EIF4G2: variants seen among roughly 807,000 people sequenced by gnomAD.
The protein encoded by EIF4G2 is eukaryotic translation initiation factor 4 gamma 2.
A neutral mutation model predicts 117.7 loss-of-function variants in EIF4G2; 8 were observed. The observed-to-expected ratio is 0.07, with a 90% CI of 0.04 to 0.12. EIF4G2 has a LOEUF of 0.12. EIF4G2 is among the 10% of genes least tolerant of loss of function. The pLI is 1.00. For synonymous variants in EIF4G2, 413 were observed against 367.8 expected (o/e 1.12, Z -1.41); for missense variants, 812 against 1,086.2 (o/e 0.75, Z 3.55).
At chr11:10,808,061 C>CG in intron 1 of EIF4G2, 1 of 1,046,850 alleles carries the variant, frequency 9.6e-7, no homozygotes, top group South Asian at 2.6e-5. Context: ...AGGCCACCCC[C>CG]GCCAGCCCGG....
chr11:10,800,035 A>G (rs1564980948), intron 18 of EIF4G2, 55 bp downstream of exon 18: 2 of 1,568,534 alleles, frequency 1.3e-6, no homozygotes, highest in Non-Finnish European at 1.7e-6. Flanking sequence ...AAGGTACCTG[A>G]AATCTCTAGA....
chr11:10,801,520 G>A (rs1316641796), intron 14 of EIF4G2, 141 bp downstream of exon 14: 10 of 860,004 alleles, frequency 1.2e-5, no homozygotes, highest in East Asian at 7.3e-5. Context: ...TTCAAAGAAA[G>A]AAAAAGAAGT....
intron 1 of EIF4G2, 97 bp downstream of exon 1, chr11:10,808,608 G>A (rs977822593): frequency 3.1e-6 from 2 of 650,862 alleles, no homozygotes; most frequent in South Asian, 2.3e-5. Flanking sequence ...ACCCGGCTCC[G>A]CCTGCGGCCG....
In EIF4G2 at chr11:10,805,052, A is replaced by C. The variant is rs768287094; in HGVS notation, c.249-37T>G. 3.4e-6 allele frequency: 5 copies of C among 1,491,588 alleles called. No homozygotes were observed. The South Asian group carries it at 4.5e-5, about 14-fold the overall frequency. The allele number at this position is 1,491,588 out of a possible 1,614,324, so 92.4% of individuals were successfully genotyped here. On this transcript the variant is annotated intron_variant, in intron 4 of 21. Transcript: ENST00000339995. ...GGAATTACATTTTAAGTGTTAGCTA[A>C]TACACAGAATTTGAATTGAAAAACT...
chr11:10,804,670 G>A (rs960460134), intron 5 of EIF4G2: 2 of 600,114 alleles, frequency 3.3e-6, no homozygotes, highest in South Asian at 5.1e-5. Context: ...AAAAGAAAAA[G>A]AACAGCTTGC....
In EIF4G2 at chr11:10,804,750, A is replaced by G. The variant is rs967939592; in HGVS notation, c.351+163T>C. 7 of 641,596 alleles carry G rather than the reference A, an allele frequency of 1.1e-5. No individual in the cohort carries two copies. In the Admixed American group the frequency reaches 1.2e-4, roughly 11 times the overall value. 39.7% of individuals were successfully genotyped at this position (641,596 alleles called of 1,614,324 possible). On this transcript the variant is annotated intron_variant, in intron 5 of 21. Coordinates refer to ENST00000339995, the MANE Select transcript of EIF4G2 (RefSeq NM_001418.4). ...TTTACCTCTTCAATCTAATGCTACTAAAGTCAGTGGTTCTTTTTAATCACC... is the reference window on the plus strand; with the variant it reads ...TTTACCTCTTCAATCTAATGCTACTGAAGTCAGTGGTTCTTTTTAATCACC...
rs1847405839 is a variant in EIF4G2, at chr11:10,801,173, G to A, written c.1414-86C>T. On this transcript the variant is annotated intron_variant, in intron 14 of 21. Coordinates refer to ENST00000339995, the MANE Select transcript of EIF4G2 (RefSeq NM_001418.4). ...ACAACATTCTAAAATCCTATACAGTGACAGAATCTAGGGAAACATTAAGCT... is the reference window on the plus strand; with the variant it reads ...ACAACATTCTAAAATCCTATACAGTAACAGAATCTAGGGAAACATTAAGCT... 15 of 1,535,778 alleles carry A rather than the reference G, an allele frequency of 9.8e-6. No individual in the cohort carries two copies. In the South Asian group the frequency reaches 1.6e-4, roughly 17 times the overall value.
intron 12 of EIF4G2, 26 bp downstream of exon 12, chr11:10,802,268 C>T (rs7105210): frequency 1 from 1,612,070 of 1,612,402 alleles, 805,870 homozygotes; most frequent in East Asian, 1. Flanking sequence ...TTCAGCTTAA[C>T]GCAACCATTG....
At position 10,797,914 on chromosome 11, in the gene EIF4G2, CAT is replaced by C; in HGVS notation, c.2659-35_2659-34del. ...TTAAGATTTGTAAATTAAAATAGTTCATGATATAAACAGAAATCCATCCAAAA... is the reference window on the plus strand; with the variant it reads ...TTAAGATTTGTAAATTAAAATAGTTCGATATAAACAGAAATCCATCCAAAA... On this transcript the variant is annotated intron_variant, in intron 21 of 21. Transcript: ENST00000339995. The surrounding 1 kb of genome is among the most constrained non-coding windows in gnomAD (Gnocchi z 4.5). 1 of 1,603,066 alleles carries C rather than the reference CAT, an allele frequency of 6.2e-7. No homozygotes were observed. Among genetic ancestry groups the C allele is most frequent in the Non-Finnish European group, 8.5e-7 (1 of 1,172,232 alleles).
At position 10,797,144 on chromosome 11, in the gene EIF4G2, C is replaced by T. The variant is rs1388281909; in HGVS notation, c.*672G>A. 6.6e-6 allele frequency: 1 copy of T among 152,546 alleles called. No individual in the cohort carries two copies. The highest frequency in any genetic ancestry group is 1.5e-5 in the Non-Finnish European group (1 of 68,026). The allele number at this position is 152,546 out of a possible 1,614,324, so 9.4% of individuals were successfully genotyped here. On this transcript the variant is annotated 3_prime_UTR_variant, in exon 22 of 22. Coordinates refer to ENST00000339995, the MANE Select transcript of EIF4G2 (RefSeq NM_001418.4). This position sits in a 1 kb window ranked among gnomAD's most constrained non-coding sequence, Gnocchi z 4.5. ...AAATTAAGTAGACTTAATTTCAATA[C>T]TATAATAGGAGGGACCAATTCAAAT...
At position 10,806,021 on chromosome 11, in the gene EIF4G2, T is replaced by G; in HGVS notation, c.134A>C (p.Gln45Pro). 2 of 1,614,286 alleles carry G rather than the reference T, an allele frequency of 1.2e-6. No individual in the cohort carries two copies. The highest frequency in any genetic ancestry group is 1.7e-6 in the Non-Finnish European group (2 of 1,180,050). The stretch of plus-strand genomic sequence containing the variant: ...TGCAGGAATCCATTTCTGAGCGTTT[T>G]GCCCTGGGGTTTTCCCCAGGAACTC... The change falls in exon 4 of 22, where the codon CAA becomes CCA. Residue 45 changes from glutamine to proline, a missense_variant. By Grantham distance (76) the Gln-to-Pro change is moderately conservative (BLOSUM62 -1). This residue lies in a region of EIF4G2 where 79 missense variants were observed against 91.5 expected (regional missense o/e 0.86). Transcript: ENST00000339995.
rs1847489672 is a variant in EIF4G2, at chr11:10,803,782, T to G, written c.702+117A>C. On this transcript the variant is annotated intron_variant, in intron 8 of 21. Transcript: ENST00000339995. This position sits in a 1 kb window ranked among gnomAD's most constrained non-coding sequence, Gnocchi z 4.0. ...CACCACGTATTTCAAATTATTCTGT[T>G]TAGTAAATTTTGTTGCACATCTGTA... 1 of 1,324,318 alleles carries G rather than the reference T, an allele frequency of 7.6e-7. No homozygotes were observed. The allele number at this position is 1,324,318 out of a possible 1,614,324, so 82.0% of individuals were successfully genotyped here. A position where few individuals can be genotyped will look rare whatever the true frequency, so the allele number is the denominator to read the frequency against.
rs1847361314 is a variant in EIF4G2, at chr11:10,799,557, C to G, written c.2319G>C (p.Met773Ile). The change falls in exon 19 of 22, where the codon ATG becomes ATC. Residue 773 changes from methionine to isoleucine, a missense_variant. This residue lies in a region of EIF4G2 where 571 missense variants were observed against 642.3 expected (regional missense o/e 0.89). Transcript: ENST00000339995. The stretch of plus-strand genomic sequence containing the variant: ...CAGAAAACCATTCGTCTTACCTAGT[C>G]ATTAAGATGTTCACAAATCCTTTAT... The G allele has an allele frequency of 6.2e-7, 1 of 1,613,494 alleles. No homozygotes were observed. The highest frequency in any genetic ancestry group is 1.7e-5 in the Admixed American group (1 of 59,932).
At chr11:10,802,555 T>C (rs747156869) in intron 11 of EIF4G2, 120 bp from the exon 12 acceptor site, 36 of 1,320,630 alleles carry the variant, frequency 2.7e-5, no homozygotes, top group Non-Finnish European at 3.7e-5. Flanking sequence ...GTTATTTCTG[T>C]AAATAACTTC....
intron 19 of EIF4G2, 53 bp downstream of exon 19, chr11:10,799,499 C>T: frequency 6.2e-7 from 1 of 1,609,472 alleles, no homozygotes; most frequent in Admixed American, 1.7e-5. Flanking sequence ...GTCTCCTACG[C>T]TTCTTTTCCA....
At position 10,805,814 on chromosome 11, in the gene EIF4G2, C is replaced by T. The variant is rs923467342; in HGVS notation, c.248+93G>A. On this transcript the variant is annotated intron_variant, in intron 4 of 21. Transcript: ENST00000339995. ...TTCATTAAAACATACATACTCTGGG[C>T]ATGAACCTTGCCTTCTTAGTAATAC... 5 of 1,557,198 alleles carry T rather than the reference C, an allele frequency of 3.2e-6. No individual in the cohort carries two copies. The African/African-American group carries it at 6.8e-5, about 21-fold the overall frequency.
intron 1 of EIF4G2, chr11:10,808,462 T>G (rs891992690): frequency 7.9e-7 from 1 of 1,260,508 alleles, no homozygotes; most frequent in African/African-American, 1.6e-5. Context: ...GCGTCGGCCA[T>G]CCGGCCATGA....
chr11:10,807,933 T>G lies in EIF4G2; in HGVS notation c.-86-552A>C, dbSNP rs190402063. On this transcript the variant is annotated intron_variant, in intron 1 of 21. Coordinates refer to ENST00000339995, the MANE Select transcript of EIF4G2 (RefSeq NM_001418.4). ...CATGGCAGCAGGAACCTCCGCCCCG[T>G]TTTTCCCTTCCTGGGAACAAAAGAG... The G allele has an allele frequency of 7.5e-4, 755 of 1,011,376 alleles. 5 individuals are homozygous for G. The African/African-American group carries it at 0.012, about 17-fold the overall frequency. The allele number at this position is 1,011,376 out of a possible 1,614,324, so 62.7% of individuals were successfully genotyped here. A position where few individuals can be genotyped will look rare whatever the true frequency, so the allele number is the denominator to read the frequency against.
At chr11:10,807,149 T>C in intron 2 of EIF4G2, 106 bp downstream of exon 2, 2 of 1,489,236 alleles carry the variant, frequency 1.3e-6, no homozygotes, top group Non-Finnish European at 1.8e-6. Flanking sequence ...CTTAAGAACT[T>C]TTCAAATGAA....
Sources: gnomAD v4.1 joint callset for allele counts on GRCh38, gnomAD v4.1.1 for gene constraint, gnomAD v4.1.1 regional missense constraint, Gnocchi (gnomAD v3.1) non-coding constraint, MANE v1.5 for transcripts, NCBI Gene and HGNC (gene_info 2026-07-23, HGNC 2026-07-21) for gene names.